DDX60L: variants seen among roughly 807,000 people sequenced by gnomAD.
DDX60L encodes probable ATP-dependent RNA helicase DDX60-like.
Under a neutral mutation model 211.6 loss-of-function variants are expected in DDX60L, and 191 were observed. The ratio of observed to expected loss-of-function variants is 0.90; its 90% CI spans 0.80 to 1.02. DDX60L has a LOEUF of 1.02. DDX60L is among the 50% of genes least tolerant of loss of function. The pLI, the probability that DDX60L is intolerant of heterozygous loss-of-function variation, is 0.00. For missense variants in DDX60L, 2,007 were observed against 1,984.1 expected (o/e 1.01, Z -0.22); for synonymous variants, 706 against 694.1 (o/e 1.02, Z -0.27).
chr4:168,456,651 C>A (rs978871713), intron 6 of DDX60L, among the ~76,000 whole-genome samples: 1 of 152,080 alleles, frequency 6.6e-6, no homozygotes. Context: ...TTGACAACGT[C>A]CATCAGGATC....
intron 4 of DDX60L, 52 bp downstream of exon 4, chr4:168,471,695 T>A (rs1015978025): frequency 7.1e-7 from 1 of 1,409,994 alleles, no homozygotes; most frequent in Non-Finnish European, 9.6e-7. Flanking sequence ...GGTTAAGACA[T>A]TTCAGTTATA....
At chr4:168,366,263 T>C (rs1739973528) in intron 36 of DDX60L, among the ~76,000 whole-genome samples, 2 of 152,158 alleles carry the variant, frequency 1.3e-5, no homozygotes, top group African/African-American at 4.8e-5. Flanking sequence ...GAAAAACTGC[T>C]AGAACTGATC....
At chr4:168,369,690 A>G (rs1345087316) in intron 36 of DDX60L, among the ~76,000 whole-genome samples, 2 of 152,196 alleles carry the variant, frequency 1.3e-5, no homozygotes, top group African/African-American at 4.8e-5. Context: ...TACATCAGAC[A>G]AAAGATTCAT....
chr4:168,404,072 G>T lies in DDX60L; in HGVS notation c.3248C>A (p.Ser1083Ter). The T allele has an allele frequency of 7.0e-7, 1 of 1,434,622 alleles. No individual in the cohort carries two copies. The highest frequency in any genetic ancestry group is 1.6e-5 in the South Asian group (1 of 61,172). The allele number at this position is 1,434,622 out of a possible 1,614,324, so 88.9% of individuals were successfully genotyped here. A position where few individuals can be genotyped will look rare whatever the true frequency, so the allele number is the denominator to read the frequency against. The change falls in exon 25 of 38, where the codon TCA becomes TAA. Residue 1083 changes from serine to a stop codon, truncating the protein, a stop_gained. Coordinates refer to ENST00000682922, the MANE Select transcript of DDX60L (RefSeq NM_001012967.3). LOFTEE classifies it high-confidence loss of function. Reference protein sequence around the residue: ...KRVLKNLSPDSLSSSKDMVKM... With the variant: ...KRVLKNLSPD ...CACCATATCTTTTGAACTAGACAAT[G>T]AATCCGGACTAAGGTTCTTCAGTAC...
chr4:168,435,302 C>T (rs1287926810), intron 10 of DDX60L, among the ~76,000 whole-genome samples: 2 of 152,186 alleles, frequency 1.3e-5, no homozygotes, highest in Non-Finnish European at 2.9e-5. Flanking sequence ...ATGGAAGCCA[C>T]TAGAACTGTC....
rs1743257218 is a variant in DDX60L, at chr4:168,383,178, A to G, written c.4116+1434T>C. Reference sequence around the variant, plus strand: ...ATTAAAATAACCCTGGTAATTCTTAATGCCTTATGGTCTTTGGTGGTAAAA... The same window carrying G: ...ATTAAAATAACCCTGGTAATTCTTAGTGCCTTATGGTCTTTGGTGGTAAAA... On this transcript the variant is annotated intron_variant, in intron 30 of 37. Transcript: ENST00000682922. 2.6e-5 allele frequency among the ~76,000 whole-genome samples: 4 copies of G among 152,330 alleles called. No homozygotes were observed. In the South Asian group the frequency reaches 8.3e-4, roughly 32 times the overall value.
At chr4:168,415,383 A>G in intron 22 of DDX60L, 25 bp downstream of exon 22, 1 of 1,512,318 alleles carries the variant, frequency 6.6e-7, no homozygotes, top group Non-Finnish European at 9.0e-7. Flanking sequence ...TTCCACTAAC[A>G]GGACAAATAC....
At chr4:168,392,526 C>T (rs1179645872) in intron 28 of DDX60L, among the ~76,000 whole-genome samples, 4 of 151,952 alleles carry the variant, frequency 2.6e-5, no homozygotes, top group Non-Finnish European at 4.4e-5. Flanking sequence ...AGAATTTAGC[C>T]ATAATGAGTA....
rs764255985 is a variant in DDX60L at position 168,427,331 on chromosome 4, T to A, written c.1678-9A>T. The stretch of plus-strand genomic sequence containing the variant: ...TGGTGGGGTTTGGTATTCTGCTCAA[T>A]AATAAAAGGAACATATGAAACAAGT... On this transcript the variant is annotated splice_polypyrimidine_tract_variant and intron_variant, in intron 13 of 37. Transcript: ENST00000682922. 3.1e-6 allele frequency: 5 copies of A among 1,605,536 alleles called. No homozygotes were observed. In the East Asian group the frequency reaches 1.1e-4, roughly 36 times the overall value.
rs1418225907 is a variant in DDX60L at position 168,421,942 on chromosome 4, A to C, written c.2245-33T>G. The C allele has an allele frequency of 7.4e-6, 12 of 1,613,542 alleles. No homozygotes were observed. In the South Asian group the frequency reaches 1.3e-4, roughly 18 times the overall value. Reference sequence around the variant, plus strand: ...GTACAAAGCACCATTTGTGTCAAGAAAGTGAACAGCATGTTACCAAAACAC... The same window carrying C: ...GTACAAAGCACCATTTGTGTCAAGACAGTGAACAGCATGTTACCAAAACAC... On this transcript the variant is annotated intron_variant, in intron 16 of 37. Transcript: ENST00000682922.
chr4:168,378,348 C>T lies in DDX60L; in HGVS notation c.4485+6G>A, dbSNP rs969624088. On this transcript the variant is annotated splice_donor_region_variant and intron_variant, in intron 33 of 37. Coordinates refer to ENST00000682922, the MANE Select transcript of DDX60L (RefSeq NM_001012967.3). ...ATTATATCATTGTAAGTATAACAAA[C>T]TTTACCTTTGACTGAGAAAAACTTA... The T allele has an allele frequency of 1.5e-5, 21 of 1,369,576 alleles. No homozygotes were observed. In the African/African-American group the frequency reaches 2.7e-4, roughly 18 times the overall value. 84.8% of individuals were successfully genotyped at this position (1,369,576 alleles called of 1,614,324 possible). A position where few individuals can be genotyped will look rare whatever the true frequency, so the allele number is the denominator to read the frequency against.
chr4:168,472,039 T>G, intron 3 of DDX60L, 103 bp from the exon 4 acceptor site: 3 of 856,268 alleles, frequency 3.5e-6, no homozygotes, highest in Non-Finnish European at 3.6e-6. Flanking sequence ...GTTGAGTACC[T>G]CATGCCAGTC....
At chr4:168,467,445 C>CAAAA (rs199648164) in intron 4 of DDX60L, among the ~76,000 whole-genome samples, 29,566 of 107,702 alleles carry the variant, frequency 0.27, 3,715 homozygotes, top group African/African-American at 0.34. Context: ...GTTTCCATTC[C>CAAAA]AAAAAAAAAA....
intron 26 of DDX60L, among the ~76,000 whole-genome samples, chr4:168,398,638 C>G (rs1308816237): frequency 1.3e-5 from 2 of 152,208 alleles, no homozygotes; most frequent in East Asian, 3.9e-4. Context: ...CCAGGCCTGC[C>G]CATGGCCACC....
intron 4 of DDX60L, chr4:168,468,635 C>T (rs1285499519): frequency 6.6e-6 from 1 of 151,882 alleles, no homozygotes; most frequent in Non-Finnish European, 1.5e-5. Context: ...ATGCCAATCA[C>T]TGTAATAAGG....
chr4:168,426,304 A>G (rs908532784), intron 14 of DDX60L, among the ~76,000 whole-genome samples: 4 of 152,228 alleles, frequency 2.6e-5, no homozygotes, highest in African/African-American at 9.6e-5. Flanking sequence ...CAGAAACAAA[A>G]GGCTTTATTA....
Position 168,432,471 on chromosome 4 carries a change from G to T in DDX60L, c.1500C>A (p.Ile500=), listed in dbSNP as rs773382802. 3.2e-6 allele frequency: 5 copies of T among 1,569,020 alleles called. No individual in the cohort carries two copies. Among genetic ancestry groups the T allele is most frequent in the Non-Finnish European group, 3.5e-6 (4 of 1,154,450 alleles). The change falls in exon 12 of 38, where the codon ATC becomes ATA. Residue 500 remains isoleucine, a synonymous_variant. Coordinates refer to ENST00000682922, the MANE Select transcript of DDX60L (RefSeq NM_001012967.3). ...AGAGCTCACCATCAACATGACATTT[G>T]ATCCTGTCATAGTCGTCACTAAGGA... ...QRLLSDDYDR[I]KCHVDEQSRD... is the part of the protein sequence containing the mutation.
In DDX60L at chr4:168,406,003, C is replaced by T. The variant is rs1168526368; in HGVS notation, c.3160G>A (p.Glu1054Lys). 1.2e-6 allele frequency: 2 copies of T among 1,600,302 alleles called. No homozygotes were observed. Among genetic ancestry groups the T allele is most frequent in the African/African-American group, 2.7e-5 (2 of 74,468 alleles). ...TTTGTCAATTCTGCCTTTAAGTTTT[C>T]TTCATATTTTCTAGCATCCAACTTC... ...IKKLDARKYEENLKAELTNWI... is the reference protein window; with the variant it reads ...IKKLDARKYEKNLKAELTNWI... The change falls in exon 24 of 38, where the codon GAA becomes AAA. Residue 1054 changes from glutamate (E) to lysine (K), a missense_variant. Physicochemically the swap from Glu to Lys is moderately conservative, Grantham distance 56 (BLOSUM62 1). Coordinates refer to ENST00000682922, the MANE Select transcript of DDX60L (RefSeq NM_001012967.3).
chr4:168,433,044 C>T lies in DDX60L; in HGVS notation c.1366G>A (p.Gly456Arg). The T allele has an allele frequency of 6.2e-7, 1 of 1,609,474 alleles. No homozygotes were observed. The highest frequency in any genetic ancestry group is 1.1e-5 in the South Asian group (1 of 90,286). The change falls in exon 11 of 38, where the codon GGA becomes AGA. Residue 456 changes from glycine to arginine, a missense_variant. Coordinates refer to ENST00000682922, the MANE Select transcript of DDX60L (RefSeq NM_001012967.3). ...ATAGGCAAATCCTTCATCATATCTC[C>T]AACAAACTCATCAATTACAGCAGAT... Reference protein sequence around the residue: ...MTSAVIDEFVGDMMKDLPILK... With the variant: ...MTSAVIDEFVRDMMKDLPILK...
Sources: gnomAD v4.1 joint callset for allele counts (sites outside exome capture counted in the v4.1 genomes callset) on GRCh38, gnomAD v4.1.1 for gene constraint, MANE v1.5 for transcripts, NCBI Gene and HGNC (gene_info 2026-07-23, HGNC 2026-07-21) for gene names.